Variants in USP6 observed in about 807,000 individuals in gnomAD.
USP6 encodes the protein ubiquitin carboxyl-terminal hydrolase 6.
USP6 carries 128 observed loss-of-function variants against 175.7 expected under a neutral mutation model. That is an observed-to-expected ratio of 0.73 (90% CI 0.63 to 0.84). USP6 has a LOEUF of 0.84. Ranked by LOEUF, USP6 falls within the 40% of genes least tolerant of loss-of-function variation. The probability of loss-of-function intolerance (pLI) is 0.00; values close to 1 mark genes in which losing one functional copy is unlikely to be tolerated. For synonymous variants in USP6, 562 were observed against 630.6 expected (o/e 0.89, Z 1.63); for missense variants, 1,498 against 1,760.3 (o/e 0.85, Z 2.67).
In USP6 at chr17:5,136,699, G is replaced by T. The variant is rs1010072894; in HGVS notation, c.724G>T (p.Val242Leu). ...GCTCCAAGACCAACAGGAGCATGTGGTACCCAAGTCACAACCCAAGACCAT... is the reference window on the plus strand; with the variant it reads ...GCTCCAAGACCAACAGGAGCATGTGTTACCCAAGTCACAACCCAAGACCAT... Reference protein sequence around the residue: ...QGLQDQQEHVVPKSQPKTMWH... With the variant: ...QGLQDQQEHVLPKSQPKTMWH... The change falls in exon 18 of 38, where the codon GTA becomes TTA. Residue 242 changes from valine to leucine, a missense_variant. Coordinates refer to ENST00000574788, the MANE Select transcript of USP6 (RefSeq NM_001304284.2). 4.3e-6 allele frequency: 7 copies of T among 1,612,142 alleles called. No individual in the cohort carries two copies. Among genetic ancestry groups the T allele is most frequent in the Non-Finnish European group, 5.9e-6 (7 of 1,179,766 alleles).
chr17:5,167,827 A>G, intron 33 of USP6, 105 bp from the exon 34 acceptor site: 2 of 1,353,938 alleles, frequency 1.5e-6, no homozygotes, highest in South Asian at 1.5e-5. Context: ...TTTTCCTTAT[A>G]AAGAGTAAAA....
chr17:5,139,821 GC>G, intron 22 of USP6, 147 bp downstream of exon 22: 1 of 1,594,430 alleles, frequency 6.3e-7, no homozygotes, highest in Non-Finnish European at 8.5e-7. Flanking sequence ...CCTTGCCTCT[GC>G]CACCTCTACT....
chr17:5,118,719 A>C (rs1379118064), intron 2 of USP6, among the ~76,000 whole-genome samples: 1 of 152,108 alleles, frequency 6.6e-6, no homozygotes, highest in Non-Finnish European at 1.5e-5. Context: ...AAGGTGGAGA[A>C]TTTTACAGAG....
At chr17:5,141,348 A>G in intron 22 of USP6, 77 bp from the exon 23 acceptor site, 14 of 1,387,102 alleles carry the variant, frequency 1.0e-5, no homozygotes, top group Non-Finnish European at 1.3e-5. Context: ...ATGTCTTTAA[A>G]AAAAAAAAAC....
intron 31 of USP6, among the ~76,000 whole-genome samples, chr17:5,156,957 T>C (rs1286694526): frequency 6.6e-6 from 1 of 152,000 alleles, no homozygotes; most frequent in African/African-American, 2.4e-5. Flanking sequence ...CTCAAACTCC[T>C]GGCCTCAAGT....
At chr17:5,158,937 T>C (rs1008418619) in intron 31 of USP6, among the ~76,000 whole-genome samples, 6 of 152,214 alleles carry the variant, frequency 3.9e-5, no homozygotes, top group Admixed American at 2.0e-4. Context: ...ATTCTAGTGG[T>C]ACTTGGTAAA....
chr17:5,124,449 A>G (rs1210689138), intron 4 of USP6, 117 bp from the exon 5 acceptor site: 1 of 152,248 alleles, frequency 6.6e-6, no homozygotes, highest in African/African-American at 2.4e-5. Context: ...GTCCCCAGAA[A>G]GCCCTGGGCA....
intron 4 of USP6, among the ~76,000 whole-genome samples, chr17:5,123,361 G>A (rs2072768139): frequency 2.0e-5 from 3 of 151,834 alleles, no homozygotes; most frequent in African/African-American, 4.8e-5. Flanking sequence ...GAGTGACCCC[G>A]GCCCGGGGGC....
intron 21 of USP6, 132 bp from the exon 22 acceptor site, chr17:5,139,123 T>A (rs1463704223): frequency 6.3e-7 from 1 of 1,597,206 alleles, no homozygotes; most frequent in Non-Finnish European, 8.5e-7. Flanking sequence ...ACTACAGGCG[T>A]GTCGTCAGTG....
Position 5,137,690 on chromosome 17 carries a change from T to C in USP6, c.865T>C (p.Leu289=), listed in dbSNP as rs2073301465. 6.2e-7 allele frequency: 1 copy of C among 1,607,572 alleles called. No individual in the cohort carries two copies. The highest frequency in any genetic ancestry group is 1.3e-5 in the African/African-American group (1 of 74,744). The stretch of plus-strand genomic sequence containing the variant: ...CACCCTGCGCCTGTGGGACGTGTAT[T>C]TGGTGGAAGGAGAACAGGTGTTGAT... ...GLTLRLWDVY[L]VEGEQVLMPI... Residue 289 remains leucine, a synonymous_variant, in exon 20 of 38, where the codon TTG becomes CTG. Coordinates refer to ENST00000574788, the MANE Select transcript of USP6 (RefSeq NM_001304284.2).
In USP6 at chr17:5,172,741, C is replaced by A. The variant is rs1468773855; in HGVS notation, c.4048-64C>A. On this transcript the variant is annotated intron_variant, in intron 37 of 37. Coordinates refer to ENST00000574788, the MANE Select transcript of USP6 (RefSeq NM_001304284.2). Reference sequence around the variant, plus strand: ...TTACAGAGGGTTGGTCTTCCCTTTCCTGGCAAGGATTTAGAGTCATAATAG... The same window carrying A: ...TTACAGAGGGTTGGTCTTCCCTTTCATGGCAAGGATTTAGAGTCATAATAG... The A allele has an allele frequency of 3.8e-6, 6 of 1,590,458 alleles. No homozygotes were observed. The African/African-American group carries it at 6.7e-5, about 18-fold the overall frequency.
chr17:5,171,442 G>T (rs1487761756), intron 36 of USP6, 145 bp from the exon 37 acceptor site: 2 of 705,678 alleles, frequency 2.8e-6, no homozygotes, highest in Non-Finnish European at 2.1e-6. Flanking sequence ...TGCTTATTTT[G>T]GTTTTAGAGA....
At chr17:5,138,810 G>T (rs1598021481) in intron 21 of USP6, among the ~76,000 whole-genome samples, 1 of 152,200 alleles carries the variant, frequency 6.6e-6, no homozygotes, top group East Asian at 1.9e-4. Flanking sequence ...TGTGGGAACG[G>T]TCAGTCCTGG....
At chr17:5,140,584 TAAGAA>T (rs2073416999) in intron 22 of USP6, among the ~76,000 whole-genome samples, 1 of 152,112 alleles carries the variant, frequency 6.6e-6, no homozygotes. Context: ...TAAAAAAAAT[TAAGAA>T]ATGTAATGGG....
At chr17:5,156,840 A>G (rs2073895753) in intron 31 of USP6, among the ~76,000 whole-genome samples, 1 of 148,810 alleles carries the variant, frequency 6.7e-6, no homozygotes, top group African/African-American at 2.5e-5. Context: ...AGTGATTTTC[A>G]TGCCTCAGAC....
chr17:5,137,241 G>A (rs1167825898), intron 19 of USP6, 55 bp downstream of exon 19: 34 of 1,597,164 alleles, frequency 2.1e-5, no homozygotes, highest in East Asian at 6.7e-5. Flanking sequence ...CTGCAGTGCC[G>A]TGCTTCCCCA....
Position 5,142,135 on chromosome 17 carries a change from T to G in USP6, c.1706T>G (p.Leu569Arg). 6.2e-7 allele frequency: 1 copy of G among 1,611,594 alleles called. No individual in the cohort carries two copies. Among genetic ancestry groups the G allele is most frequent in the African/African-American group, 1.3e-5 (1 of 74,964 alleles). ...YFISGRHLYE[L>R]NRTNPIGMKG... ...ATCTCAGGGAGACATCTTTATGAAC[T>G]CAACAGGTAAACTTTCTTGAGTCAC... is the stretch of plus-strand genomic sequence containing the variant. The change falls in exon 24 of 38, where the codon CTC becomes CGC. Residue 569 changes from leucine to arginine, a missense_variant. Leu to Arg is a moderately radical substitution (Grantham distance 102). Around this residue, in one of 2 missense-constraint regions of USP6, gnomAD observed 1,217 missense variants for 1,500.8 expected, o/e 0.81. Coordinates refer to ENST00000574788, the MANE Select transcript of USP6 (RefSeq NM_001304284.2).
At chr17:5,160,281 A>C (rs12453849) in intron 31 of USP6, among the ~76,000 whole-genome samples, 3,042 of 152,230 alleles carry the variant, frequency 0.02, 194 homozygotes, top group Admixed American at 0.14. Flanking sequence ...ACTCTTTATC[A>C]TGGTTTCATT....
rs1389531033 is a variant in USP6, at chr17:5,154,340, G to C, written c.2644-1082G>C. Reference sequence around the variant, plus strand: ...CTCAATAAATACCAAACTTCTTAGAGAATTAAATATTCAAAGGTTCAGCAG... The same window carrying C: ...CTCAATAAATACCAAACTTCTTAGACAATTAAATATTCAAAGGTTCAGCAG... On this transcript the variant is annotated intron_variant, in intron 30 of 37. Transcript: ENST00000574788. 9.9e-5 allele frequency among the ~76,000 whole-genome samples: 15 copies of C among 152,228 alleles called. No individual in the cohort carries two copies. The East Asian group carries it at 2.5e-3, about 25-fold the overall frequency.
Sources: allele counts gnomAD v4.1 joint callset (sites outside exome capture counted in the v4.1 genomes callset), GRCh38; gene constraint gnomAD v4.1.1; regional missense constraint gnomAD v4.1.1; transcripts MANE v1.5; gene names NCBI Gene and HGNC (gene_info 2026-07-23, HGNC 2026-07-21).